Variants in AK9 observed in about 807,000 individuals in gnomAD.
AK9 encodes the protein adenylate kinase 9.
Under a neutral mutation model 239.6 loss-of-function variants are expected in AK9, and 191 were observed. The observed-to-expected ratio is 0.80, with a 90% confidence interval of 0.71 to 0.90. The LOEUF is 0.90. AK9 is among the 40% of genes least tolerant of loss of function. The pLI is 0.00. For synonymous variants in AK9, 689 were observed against 721.0 expected, an observed-to-expected ratio of 0.96 and a Z score of 0.71; for missense variants, 1,995 against 2,214.7, an observed-to-expected ratio of 0.90 and a Z score of 1.99.
intron 1 of AK9, among the ~76,000 whole-genome samples, chr6:109,686,327 C>T (rs1329081432): frequency 6.6e-6 from 1 of 152,190 alleles, no homozygotes; most frequent in Admixed American, 6.5e-5. Flanking sequence ...TTTTAAAAGG[C>T]CAGTGGTCTG....
chr6:109,661,825 C>T (rs1800461255), intron 6 of AK9, among the ~76,000 whole-genome samples: 1 of 152,150 alleles, frequency 6.6e-6, no homozygotes, highest in African/African-American at 2.4e-5. Flanking sequence ...CAAGAAGACA[C>T]CACCTTGCTA....
chr6:109,547,466 T>C (rs527541085), intron 25 of AK9, among the ~76,000 whole-genome samples: 2 of 152,158 alleles, frequency 1.3e-5, no homozygotes, highest in Non-Finnish European at 2.9e-5. Flanking sequence ...CTTTAATATA[T>C]GGTGCTGTGA....
rs372465779 is a variant in AK9, at chr6:109,494,058, G to T, written c.5456C>A (p.Ala1819Glu). 1 of 1,613,566 alleles carries T rather than the reference G, an allele frequency of 6.2e-7. No individual in the cohort carries two copies. The highest frequency in any genetic ancestry group is 8.5e-7 in the Non-Finnish European group (1 of 1,179,592). Reference sequence around the variant, plus strand: ...GGGGAACTTGGGCTTTAAGCATCCCGCTGCATTCATTGCTTTAATTAGAGA... The same window carrying T: ...GGGGAACTTGGGCTTTAAGCATCCCTCTGCATTCATTGCTTTAATTAGAGA... ...ATSLIKAMNAAGCLKPKFPFL... is the reference protein window; with the variant it reads ...ATSLIKAMNAEGCLKPKFPFL... Residue 1819 changes from alanine (A) to glutamate (E), a missense_variant, in exon 40 of 41, where the codon GCG (alanine) becomes GAG (glutamate). By Grantham distance (107) the Ala-to-Glu change is moderately radical. Coordinates refer to ENST00000424296, the MANE Select transcript of AK9 (RefSeq NM_001145128.3).
intron 5 of AK9, among the ~76,000 whole-genome samples, chr6:109,666,788 T>G (rs568299757): frequency 1.3e-5 from 2 of 152,254 alleles, no homozygotes; most frequent in Non-Finnish European, 2.9e-5. Flanking sequence ...ATCTGACCTC[T>G]GGCCAGGCTG....
intron 25 of AK9, 45 bp from the exon 26 acceptor site, chr6:109,546,172 T>A: frequency 6.6e-7 from 1 of 1,509,138 alleles, no homozygotes; most frequent in Non-Finnish European, 8.9e-7. Flanking sequence ...AAAGGGAGAG[T>A]GAAGGAAAAG....
At chr6:109,683,674 T>C (rs912697128) in intron 1 of AK9, among the ~76,000 whole-genome samples, 2 of 152,152 alleles carry the variant, frequency 1.3e-5, no homozygotes, top group Admixed American at 1.3e-4. Flanking sequence ...ATAAAATACC[T>C]AGGAATACAA....
chr6:109,612,091 C>T lies in AK9; in HGVS notation c.1612G>A (p.Gly538Arg). ...GTGAATGTTTCACCAGTTTCTTTTCCATCTGTGAATAAAACATTGTGAATG... is the reference window on the plus strand; with the variant it reads ...GTGAATGTTTCACCAGTTTCTTTTCTATCTGTGAATAAAACATTGTGAATG... ...DQAAKVDKDD[G>R]KETGETFTFK... Residue 538 changes from glycine to arginine, a missense_variant and splice_region_variant, in exon 16 of 41, where the codon GGA (glycine) becomes AGA (arginine). Coordinates refer to ENST00000424296, the MANE Select transcript of AK9 (RefSeq NM_001145128.3). 6.5e-7 allele frequency: 1 copy of T among 1,529,646 alleles called. No individual in the cohort carries two copies. The allele number at this position is 1,529,646 out of a possible 1,614,324, so 94.8% of individuals were successfully genotyped here.
At chr6:109,563,744 T>C in intron 23 of AK9, 32 bp from the exon 24 acceptor site, 4 of 1,533,134 alleles carry the variant, frequency 2.6e-6, no homozygotes, top group Non-Finnish European at 3.5e-6. Context: ...GGGGAAAATA[T>C]TTTTAGTAAA....
intron 13 of AK9, among the ~76,000 whole-genome samples, chr6:109,616,481 GAT>G (rs546140426): frequency 4.2e-4 from 64 of 151,642 alleles, no homozygotes; most frequent in African/African-American, 1.5e-3. Flanking sequence ...GGGCTCAAGT[GAT>G]CCTCCCATCT....
At chr6:109,647,351 G>A (rs1489654506) in intron 8 of AK9, among the ~76,000 whole-genome samples, 6 of 152,124 alleles carry the variant, frequency 3.9e-5, no homozygotes, top group South Asian at 2.1e-4. Flanking sequence ...CCCATCTCAC[G>A]TGCAGAGACA....
intron 8 of AK9, among the ~76,000 whole-genome samples, chr6:109,649,802 G>A (rs1243712792): frequency 2.6e-5 from 4 of 152,204 alleles, no homozygotes; most frequent in African/African-American, 7.2e-5. Context: ...AAAGAACAAA[G>A]CTGGAGGCAT....
At chr6:109,584,586 C>T (rs977733824) in intron 19 of AK9, among the ~76,000 whole-genome samples, 5 of 152,114 alleles carry the variant, frequency 3.3e-5, no homozygotes, top group Non-Finnish European at 7.4e-5. Flanking sequence ...TTGACCCCTG[C>T]CATGAACAGA....
intron 6 of AK9, among the ~76,000 whole-genome samples, chr6:109,662,285 C>A (rs113147814): frequency 5.9e-5 from 9 of 152,172 alleles, no homozygotes; most frequent in African/African-American, 2.2e-4. Flanking sequence ...GGGTAGTTGT[C>A]AGGGAAAGTT....
At chr6:109,494,483 C>T (rs2115384862) in intron 39 of AK9, 1 of 160,168 alleles carries the variant, frequency 6.2e-6, no homozygotes, top group East Asian at 1.8e-4. Flanking sequence ...AGACTGCCTC[C>T]CACTCTGAGG....
At chr6:109,620,414 T>C in intron 12 of AK9, among the ~76,000 whole-genome samples, 1 of 152,160 alleles carries the variant, frequency 6.6e-6, no homozygotes, top group Non-Finnish European at 1.5e-5. Context: ...TTTGAACTTC[T>C]TTATATATGC....
chr6:109,648,510 C>T (rs902020319), intron 8 of AK9, among the ~76,000 whole-genome samples: 4 of 152,126 alleles, frequency 2.6e-5, no homozygotes, highest in Admixed American at 6.5e-5. Flanking sequence ...ATAAATTCCT[C>T]GACACATACA....
chr6:109,636,787 AT>A (rs1796774410), intron 10 of AK9, among the ~76,000 whole-genome samples: 2 of 67,382 alleles, frequency 3.0e-5, no homozygotes, highest in African/African-American at 1.0e-4. Flanking sequence ...CACACACCAC[AT>A]TTTATCAGTT....
chr6:109,516,004 A>T lies in AK9; in HGVS notation c.3918T>A (p.Tyr1306Ter). The change falls in exon 31 of 41, where the codon TAT (tyrosine) becomes TAA (stop). Residue 1306 changes from tyrosine (Y) to a stop codon, truncating the protein, a stop_gained. Transcript: ENST00000424296. LOFTEE classifies it high-confidence loss of function. The part of the protein sequence containing the change: ...NGARRNHIVQ[Y>*]TLNMKLKPLV... The stretch of plus-strand genomic sequence containing the variant: ...GTGGTTTCAGTTTCATATTCAATGT[A>T]TATTGTACAATGTGATTTCTCCGAG... 6.4e-7 allele frequency: 1 copy of T among 1,551,306 alleles called. No homozygotes were observed. The highest frequency in any genetic ancestry group is 1.2e-5 in the South Asian group (1 of 84,046).
intron 10 of AK9, among the ~76,000 whole-genome samples, chr6:109,636,682 T>G (rs1796748704): frequency 6.7e-6 from 1 of 150,262 alleles, no homozygotes; most frequent in Non-Finnish European, 1.5e-5. Flanking sequence ...TCACTTAGTA[T>G]GTTTTCATGG....
Sources: allele counts gnomAD v4.1 joint callset (sites outside exome capture counted in the v4.1 genomes callset), GRCh38; gene constraint gnomAD v4.1.1; transcripts MANE v1.5; gene names NCBI Gene and HGNC (gene_info 2026-07-23, HGNC 2026-07-21).